Variants in CELSR1 observed in about 807,000 individuals in gnomAD.
The protein encoded by CELSR1 is adhesion G protein-coupled receptor C1.
In CELSR1, 110 loss-of-function variants were observed where a neutral mutation model predicts 249.1. The observed-to-expected ratio is 0.44, with a 90% CI of 0.38 to 0.52. The LOEUF (loss-of-function observed/expected upper bound fraction) is 0.52. CELSR1 is among the 20% of genes least tolerant of loss of function. The pLI is 0.00. For missense variants in CELSR1, 4,109 were observed against 4,296.4 expected (o/e 0.96, Z 1.22); for synonymous variants, 2,113 against 1,900.0 (o/e 1.11, Z -2.92).
chr22:46,523,130 G>A (rs1306170437), intron 1 of CELSR1, among the ~76,000 whole-genome samples: 1 of 152,226 alleles, frequency 6.6e-6, no homozygotes, highest in African/African-American at 2.4e-5. Flanking sequence ...ATTAGTTGCT[G>A]TTAGTTTACT....
In CELSR1 at chr22:46,468,836, G is replaced by A. The variant is rs1009916611; in HGVS notation, c.3545-4491C>T. 1.3e-5 allele frequency among the ~76,000 whole-genome samples: 2 copies of A among 152,146 alleles called. No homozygotes were observed. Among genetic ancestry groups the A allele is most frequent in the African/African-American group, 4.8e-5 (2 of 41,424 alleles). ...CACGTCTGAAATCCCAGCACTTTGG[G>A]AGGCCGAGGCGGCAGATCACCTGAG... is the stretch of plus-strand genomic sequence containing the variant. On this transcript the variant is annotated intron_variant, in intron 1 of 34. Coordinates refer to ENST00000674500, the MANE Select transcript of CELSR1 (RefSeq NM_001378328.1). This position sits in a 1 kb window ranked among gnomAD's most constrained non-coding sequence, Gnocchi z 4.5.
chr22:46,470,940 C>T (rs1370648935), intron 1 of CELSR1, among the ~76,000 whole-genome samples: 2 of 152,090 alleles, frequency 1.3e-5, no homozygotes, highest in African/African-American at 2.4e-5. Context: ...GCCTGGCGAA[C>T]GTGGCAAAAC....
chr22:46,373,130 T>A (rs2078874505), intron 24 of CELSR1, 73 bp from the exon 25 acceptor site: 2 of 1,426,428 alleles, frequency 1.4e-6, no homozygotes, highest in African/African-American at 2.8e-5. Context: ...GAGTGAGGGG[T>A]GGGGGATGGG....
In CELSR1 at chr22:46,369,758, G is replaced by C. The variant is rs139030774; in HGVS notation, c.7806C>G (p.Phe2602Leu). Residue 2602 changes from phenylalanine to leucine, a missense_variant, in exon 26 of 35, where the codon TTC becomes TTG. Physicochemically the swap from Phe to Leu is conservative, Grantham distance 22 (BLOSUM62 0). Coordinates refer to ENST00000674500, the MANE Select transcript of CELSR1 (RefSeq NM_001378328.1). ...LDPQGYGNPD[F>L]CWLSLQDTLI... ...GGGTGTCTTGAAGCGACAGCCAGCA[G>C]AAGTCGGGGTTCCCGTAGCCCTGGG... 1.2e-6 allele frequency: 2 copies of C among 1,613,304 alleles called. No individual in the cohort carries two copies. The highest frequency in any genetic ancestry group is 1.7e-6 in the Non-Finnish European group (2 of 1,180,018).
chr22:46,424,426 T>TA (rs1158330492), intron 5 of CELSR1, among the ~76,000 whole-genome samples: 1 of 152,052 alleles, frequency 6.6e-6, no homozygotes, highest in African/African-American at 2.4e-5. Flanking sequence ...ATTTTAGAGG[T>TA]ACATGCAATT....
intron 1 of CELSR1, among the ~76,000 whole-genome samples, chr22:46,520,358 T>C (rs5768878): frequency 0.72 from 110,063 of 152,072 alleles, 40,702 homozygotes; most frequent in East Asian, 0.94. Flanking sequence ...CACAGGCACC[T>C]GCTCCCACGC....
At position 46,399,641 on chromosome 22, in the gene CELSR1, C is replaced by T. The variant is rs925753131; in HGVS notation, c.5412+76G>A. On this transcript the variant is annotated intron_variant, in intron 10 of 34. Transcript: ENST00000674500. The surrounding 1 kb of genome is among the most constrained non-coding windows in gnomAD (Gnocchi z 5.0). The stretch of plus-strand genomic sequence containing the variant: ...ACAAGGTCTCTGGTGGGTCCTGGCA[C>T]GTCAAGGGGTCATTCTGTTTTTCCC... 85 of 1,472,290 alleles carry T rather than the reference C, an allele frequency of 5.8e-5. No homozygotes were observed. The highest frequency in any genetic ancestry group is 6.9e-5 in the Non-Finnish European group (73 of 1,062,400). The allele number at this position is 1,472,290 out of a possible 1,614,324, so 91.2% of individuals were successfully genotyped here.
chr22:46,439,599 C>T (rs754794689), intron 2 of CELSR1, among the ~76,000 whole-genome samples, 188 bp from the exon 3 acceptor site: 6 of 152,136 alleles, frequency 3.9e-5, no homozygotes, highest in Admixed American at 6.5e-5. Flanking sequence ...TGCCCAGAGC[C>T]GTGCCAGAGT....
At chr22:46,383,894 T>G (rs2079004998) in intron 20 of CELSR1, among the ~76,000 whole-genome samples, 1 of 152,182 alleles carries the variant, frequency 6.6e-6, no homozygotes, top group Non-Finnish European at 1.5e-5. Flanking sequence ...AGTTCTCTTT[T>G]CTTTCTGACA....
rs2080123675 is a variant in CELSR1 at position 46,468,687 on chromosome 22, G to C, written c.3545-4342C>G. Among the ~76,000 whole-genome samples the C allele has an allele frequency of 6.6e-6, 1 of 152,150 alleles. No homozygotes were observed. Among genetic ancestry groups the C allele is most frequent in the Non-Finnish European group, 1.5e-5 (1 of 68,048 alleles). On this transcript the variant is annotated intron_variant, in intron 1 of 34. Coordinates refer to ENST00000674500, the MANE Select transcript of CELSR1 (RefSeq NM_001378328.1). This position sits in a 1 kb window ranked among gnomAD's most constrained non-coding sequence, Gnocchi z 4.5. ...GTTCTGGAGATAGATGGTGGTGATG[G>C]CTGCACAGCAAAGCTAATGTGCTTA... is the stretch of plus-strand genomic sequence containing the variant.
rs1327453112 is a variant in CELSR1, at chr22:46,381,361, C to T, written c.7089-406G>A. Among the ~76,000 whole-genome samples the T allele has an allele frequency of 6.6e-6, 1 of 152,162 alleles. No individual in the cohort carries two copies. The highest frequency in any genetic ancestry group is 2.4e-5 in the African/African-American group (1 of 41,422). On this transcript the variant is annotated intron_variant, in intron 21 of 34. Coordinates refer to ENST00000674500, the MANE Select transcript of CELSR1 (RefSeq NM_001378328.1). The surrounding 1 kb of genome is among the most constrained non-coding windows in gnomAD (Gnocchi z 6.0). ...CACGTGAACACGAGGATCCCAGAGC[C>T]AGGGAAGTATCTGGGAAATGGCAGG...
In CELSR1 at chr22:46,512,948, C is replaced by T. The variant is rs1602229275; in HGVS notation, c.3544+20679G>A. On this transcript the variant is annotated intron_variant, in intron 1 of 34. Coordinates refer to ENST00000674500, the MANE Select transcript of CELSR1 (RefSeq NM_001378328.1). This position sits in a 1 kb window ranked among gnomAD's most constrained non-coding sequence, Gnocchi z 5.2. ...AGGCGACGTCCTCCTCCAGGCTGGGCCTCTGTGCTACTCACGCACTGCTGC... is the reference window on the plus strand; with the variant it reads ...AGGCGACGTCCTCCTCCAGGCTGGGTCTCTGTGCTACTCACGCACTGCTGC... Among the ~76,000 whole-genome samples the T allele has an allele frequency of 6.6e-6, 1 of 152,208 alleles. No homozygotes were observed. The highest frequency in any genetic ancestry group is 1.9e-4 in the East Asian group (1 of 5,196).
At position 46,367,093 on chromosome 22, in the gene CELSR1, C is replaced by T; in HGVS notation, c.8105G>A (p.Cys2702Tyr). ...CTTCCGGACCTCCTGGTTGAGCACG[C>T]AGTGGAAAAGGAGGACGAAGGGGCC... The part of the protein sequence containing the change: ...LQGPFVLLFH[C>Y]VLNQEVRKHL... The change falls in exon 29 of 35, where the codon TGC becomes TAC. Residue 2702 changes from cysteine to tyrosine, a missense_variant. Around this residue, in one of 7 missense-constraint regions of CELSR1, gnomAD observed 1,805 missense variants for 1,831.6 expected, o/e 0.99. Coordinates refer to ENST00000674500, the MANE Select transcript of CELSR1 (RefSeq NM_001378328.1). 6.2e-7 allele frequency: 1 copy of T among 1,611,548 alleles called. No homozygotes were observed.
intron 28 of CELSR1, 80 bp from the exon 29 acceptor site, chr22:46,367,198 A>C: frequency 6.6e-7 from 1 of 1,523,822 alleles, no homozygotes; most frequent in Admixed American, 1.9e-5. Context: ...ACAGATGCGC[A>C]TACAGCCTTG....
intron 2 of CELSR1, among the ~76,000 whole-genome samples, chr22:46,449,903 C>T (rs1488939190): frequency 6.6e-6 from 1 of 152,124 alleles, no homozygotes; most frequent in East Asian, 1.9e-4. Context: ...GAAAGTACCT[C>T]CAGCCTCCAA....
intron 2 of CELSR1, among the ~76,000 whole-genome samples, chr22:46,442,548 G>A (rs7287935): frequency 0.12 from 17,642 of 152,288 alleles, 1,321 homozygotes; most frequent in Non-Finnish European, 0.16. Context: ...TCCTGAGCTG[G>A]GGCCTGGAGT....
intron 9 of CELSR1, among the ~76,000 whole-genome samples, chr22:46,400,329 G>A (rs1178378743): frequency 7.0e-6 from 1 of 142,078 alleles, no homozygotes; most frequent in Admixed American, 7.1e-5. Flanking sequence ...ACTTGGTCTC[G>A]AGAAAAAAAA....
At chr22:46,442,958 T>C (rs879618475) in intron 2 of CELSR1, among the ~76,000 whole-genome samples, 3 of 147,870 alleles carry the variant, frequency 2.0e-5, no homozygotes, top group Admixed American at 6.7e-5. Context: ...ATTAACCGGG[T>C]GTGTTGGCGG....
intron 2 of CELSR1, among the ~76,000 whole-genome samples, chr22:46,450,758 C>T (rs1019368304): frequency 3.0e-4 from 46 of 151,974 alleles, no homozygotes; most frequent in Admixed American, 1.5e-3. Flanking sequence ...CATTCCAAAC[C>T]CCCACAGCAC....
Sources: gnomAD v4.1 joint callset for allele counts (sites outside exome capture counted in the v4.1 genomes callset) on GRCh38, gnomAD v4.1.1 for gene constraint, gnomAD v4.1.1 regional missense constraint, Gnocchi (gnomAD v3.1) non-coding constraint, MANE v1.5 for transcripts, NCBI Gene and HGNC (gene_info 2026-07-23, HGNC 2026-07-21) for gene names.